CRADD: variants seen among roughly 807,000 people sequenced by gnomAD.
CRADD encodes the protein CARD and death domain containing adaptor protein.
In CRADD, 9 loss-of-function variants were observed where a neutral mutation model predicts 15.5. That is an observed-to-expected ratio of 0.58 (90% CI 0.35 to 1.01). CRADD has a LOEUF of 1.01. CRADD is among the 50% of genes least tolerant of loss of function. CRADD has a pLI of 0.02. For missense variants in CRADD, 227 were observed against 250.3 expected, an observed-to-expected ratio of 0.91 and a Z score of 0.63; for synonymous variants, 118 against 107.6, an observed-to-expected ratio of 1.10 and a Z score of -0.60.
intron 2 of CRADD, among the ~76,000 whole-genome samples, chr12:93,790,055 G>A (rs1957330892): frequency 6.6e-6 from 1 of 152,124 alleles, no homozygotes. Flanking sequence ...CCTACCCTCT[G>A]GGGAGCTTGT....
chr12:93,867,805 C>T (rs777805812), intron 2 of CRADD, among the ~76,000 whole-genome samples: 7 of 152,142 alleles, frequency 4.6e-5, no homozygotes, highest in South Asian at 2.1e-4. Context: ...CATGCCTGGA[C>T]ATAGAATCCA....
chr12:93,875,900 C>T (rs1958455359), intron 2 of CRADD, among the ~76,000 whole-genome samples: 2 of 152,088 alleles, frequency 1.3e-5, no homozygotes, highest in Admixed American at 6.5e-5. Flanking sequence ...CTTACCATTA[C>T]CAGTGAGTTT....
In CRADD at chr12:93,819,027, A is replaced by G. The variant is rs1957740248; in HGVS notation, c.299-30943A>G. On this transcript the variant is annotated intron_variant, in intron 2 of 2. Coordinates refer to ENST00000332896, the MANE Select transcript of CRADD (RefSeq NM_003805.5). The stretch of plus-strand genomic sequence containing the variant: ...TGTTGACATTTCTAGCTACAAGGCC[A>G]GTATTTTACAAAATAAGGCCTTTTC... 2.6e-5 allele frequency among the ~76,000 whole-genome samples: 4 copies of G among 152,392 alleles called. No individual in the cohort carries two copies. In the South Asian group the frequency reaches 8.3e-4, roughly 32 times the overall value.
chr12:93,702,623 G>A (rs964019271), intron 2 of CRADD, among the ~76,000 whole-genome samples: 1 of 151,022 alleles, frequency 6.6e-6, no homozygotes, highest in Admixed American at 6.6e-5. Flanking sequence ...AATTTCTCTT[G>A]TAAGACGGAA....
At chr12:93,788,207 G>A (rs1238678260) in intron 2 of CRADD, among the ~76,000 whole-genome samples, 5 of 152,158 alleles carry the variant, frequency 3.3e-5, no homozygotes, top group East Asian at 1.9e-4. Context: ...GGGAGGCCTC[G>A]GGAATTATGG....
At chr12:93,863,596 T>TTGTGTGTGTGTGTGTGTG (rs1157061528) in intron 2 of CRADD, among the ~76,000 whole-genome samples, 18 of 124,850 alleles carry the variant, frequency 1.4e-4, no homozygotes, top group African/African-American at 4.6e-4. Context: ...GTGGAGGCAT[T>TTGTGTGTGTGTGTGTGTG]TGTGTGTGTG....
At chr12:93,808,928 T>C (rs1957584509) in intron 2 of CRADD, among the ~76,000 whole-genome samples, 1 of 152,334 alleles carries the variant, frequency 6.6e-6, no homozygotes, top group East Asian at 1.9e-4. Context: ...TTTTTCTTTT[T>C]TTTGAGATTG....
chr12:93,876,144 G>T (rs1207490189), intron 2 of CRADD, among the ~76,000 whole-genome samples: 1 of 152,006 alleles, frequency 6.6e-6, no homozygotes, highest in Non-Finnish European at 1.5e-5. Flanking sequence ...ATTCTCTCCT[G>T]GTCTATTTCT....
chr12:93,729,445 G>A (rs1218235997), intron 2 of CRADD, among the ~76,000 whole-genome samples: 2 of 152,116 alleles, frequency 1.3e-5, no homozygotes, highest in African/African-American at 4.8e-5. Flanking sequence ...TGGTAGCAGA[G>A]ATCTTTGTAA....
At chr12:93,784,003 C>T (rs1461323571) in intron 2 of CRADD, among the ~76,000 whole-genome samples, 6 of 152,116 alleles carry the variant, frequency 3.9e-5, no homozygotes, top group South Asian at 2.1e-4. Context: ...CAAGCCACCT[C>T]GCCAAACTCT....
chr12:93,786,138 T>C (rs17251837), intron 2 of CRADD, among the ~76,000 whole-genome samples: 13,215 of 152,260 alleles, frequency 0.087, 1,333 homozygotes, highest in African/African-American at 0.24. Context: ...ACCTCATATT[T>C]CTAAACTTTG....
chr12:93,718,031 T>C (rs990767587), intron 2 of CRADD, among the ~76,000 whole-genome samples: 3 of 152,190 alleles, frequency 2.0e-5, no homozygotes, highest in Non-Finnish European at 4.4e-5. Flanking sequence ...ATTCCATTCA[T>C]CTATTTGTCT....
intron 2 of CRADD, chr12:93,735,688 G>A (rs1196280130): frequency 6.6e-6 from 1 of 152,132 alleles, no homozygotes; most frequent in African/African-American, 2.4e-5. Context: ...ATCGCTTGAA[G>A]CCAAGAGTTT....
rs1957684109 is a variant in CRADD, at chr12:93,815,353, C to A, written c.299-34617C>A. On this transcript the variant is annotated intron_variant, in intron 2 of 2. Coordinates refer to ENST00000332896, the MANE Select transcript of CRADD (RefSeq NM_003805.5). ...TAATGATGTTTGAGTCACTAAGCAA[C>A]ACACCTATATCTGTCTGCATTGTGA... The A allele has an allele frequency of 3.9e-5, 6 of 152,264 alleles. No homozygotes were observed. The South Asian group carries it at 1.2e-3, about 32-fold the overall frequency. The allele number at this position is 152,264 out of a possible 1,614,324, so 9.4% of individuals were successfully genotyped here. A position where few individuals can be genotyped will look rare whatever the true frequency, so the allele number is the denominator to read the frequency against.
At chr12:93,714,412 T>C (rs899398247) in intron 2 of CRADD, 2 of 152,228 alleles carry the variant, frequency 1.3e-5, no homozygotes, top group Non-Finnish European at 2.9e-5. Flanking sequence ...ATTTTCCAGT[T>C]GAGGAGCTTT....
chr12:93,739,121 G>A (rs1363266694), intron 2 of CRADD, among the ~76,000 whole-genome samples: 1 of 152,054 alleles, frequency 6.6e-6, no homozygotes, highest in East Asian at 1.9e-4. Flanking sequence ...CACCTATCCT[G>A]ACCAAACTTG....
Position 93,842,035 on chromosome 12 carries a change from CACAAA to C in CRADD, c.299-7933_299-7929del, listed in dbSNP as rs566654844. Among the ~76,000 whole-genome samples, 43 of 152,280 alleles carry C rather than the reference CACAAA, an allele frequency of 2.8e-4. No individual in the cohort carries two copies. In the South Asian group the frequency reaches 7.0e-3, roughly 25 times the overall value. On this transcript the variant is annotated intron_variant, in intron 2 of 2. Transcript: ENST00000332896. ...CTGCTTACAACATCTCCTCTCATAT[CACAAA>C]ATAACTGAAGTTGAGAAAGGAATTT...
At chr12:93,792,884 T>C (rs1429937909) in intron 2 of CRADD, among the ~76,000 whole-genome samples, 1 of 152,188 alleles carries the variant, frequency 6.6e-6, no homozygotes, top group Admixed American at 6.5e-5. Context: ...TTCCATAAAA[T>C]TAAAGTTTCC....
At chr12:93,862,831 C>T (rs1213904934) in intron 2 of CRADD, among the ~76,000 whole-genome samples, 1 of 152,170 alleles carries the variant, frequency 6.6e-6, no homozygotes, top group Non-Finnish European at 1.5e-5. Flanking sequence ...CCCACAGACA[C>T]ATTGAGGTAG....
Sources: gnomAD v4.1 joint callset for allele counts (sites outside exome capture counted in the v4.1 genomes callset) on GRCh38, gnomAD v4.1.1 for gene constraint, MANE v1.5 for transcripts, NCBI Gene and HGNC (gene_info 2026-07-23, HGNC 2026-07-21) for gene names.